TDRD3: variants seen among roughly 807,000 people sequenced by gnomAD.
TDRD3 encodes tudor domain-containing protein 3.
Under a neutral mutation model 86.7 loss-of-function variants are expected in TDRD3, and 45 were observed. The ratio of observed to expected loss-of-function variants is 0.52; its 90% confidence interval spans 0.41 to 0.67. The LOEUF (loss-of-function observed/expected upper bound fraction) is 0.67. Ranked by LOEUF, TDRD3 falls within the 30% of genes least tolerant of loss-of-function variation. TDRD3 has a pLI of 0.00. For synonymous variants in TDRD3, 298 were observed against 301.7 expected (o/e 0.99, Z 0.13); for missense variants, 814 against 889.0 (o/e 0.92, Z 1.07).
At chr13:60,474,114 AG>A (rs1956131873) in intron 5 of TDRD3, among the ~76,000 whole-genome samples, 1 of 152,200 alleles carries the variant, frequency 6.6e-6, no homozygotes, top group Non-Finnish European at 1.5e-5. Context: ...TTTAGATAGC[AG>A]TAGCAGAATT....
chr13:60,439,107 C>A (rs1316018888), intron 1 of TDRD3, among the ~76,000 whole-genome samples: 2 of 151,088 alleles, frequency 1.3e-5, no homozygotes, highest in African/African-American at 4.9e-5. Flanking sequence ...TAAGACAATG[C>A]GTAAAAAAAA....
chr13:60,556,886 G>T (rs987480434), intron 12 of TDRD3, among the ~76,000 whole-genome samples: 5 of 152,074 alleles, frequency 3.3e-5, no homozygotes, highest in Admixed American at 2.6e-4. Context: ...TATAGCAAAG[G>T]AAACAGACTT....
chr13:60,444,710 T>C lies in TDRD3; in HGVS notation c.154T>C (p.Phe52Leu). 2 of 1,481,584 alleles carry C rather than the reference T, an allele frequency of 1.3e-6. No homozygotes were observed. The highest frequency in any genetic ancestry group is 1.8e-6 in the Non-Finnish European group (2 of 1,106,006). The allele number at this position is 1,481,584 out of a possible 1,614,324, so 91.8% of individuals were successfully genotyped here. Residue 52 changes from phenylalanine (F) to leucine (L), a missense_variant, in exon 3 of 14, where the codon TTC becomes CTC. Coordinates refer to ENST00000377881, the MANE Select transcript of TDRD3 (RefSeq NM_001146070.2). ...NTDLRTIGKK[F>L]LPSDINSGKV... ...AGATCTGAGAACAATTGGCAAGAAA[T>C]TCCTCCCCAGTGACATCAATAGTGG...
At position 60,528,725 on chromosome 13, in the gene TDRD3, T is replaced by A; in HGVS notation, c.1500T>A (p.Asp500Glu). The change falls in exon 11 of 14, where the codon GAT (aspartate) becomes GAA (glutamate). Residue 500 changes from aspartate to glutamate, a missense_variant. Coordinates refer to ENST00000377881, the MANE Select transcript of TDRD3 (RefSeq NM_001146070.2). The stretch of plus-strand genomic sequence containing the variant: ...GTGATGGTGCTTTTAAAAAAAGAGA[T>A]AACTCTATGCAAAGCAGATCAGGAA... ...QHSDGAFKKR[D>E]NSMQSRSGKG... The A allele has an allele frequency of 1.2e-6, 2 of 1,612,010 alleles. No homozygotes were observed. Among genetic ancestry groups the A allele is most frequent in the Non-Finnish European group, 1.7e-6 (2 of 1,179,442 alleles).
At chr13:60,534,986 G>A (rs1024289695) in intron 11 of TDRD3, 122 bp from the exon 12 acceptor site, 77 of 1,036,230 alleles carry the variant, frequency 7.4e-5, no homozygotes, top group Non-Finnish European at 8.8e-5. Flanking sequence ...GGGTTCCAAA[G>A]GTAAGTTTCC....
chr13:60,404,650 G>T (rs2137805066), intron 1 of TDRD3, among the ~76,000 whole-genome samples: 1 of 152,248 alleles, frequency 6.6e-6, no homozygotes, highest in South Asian at 2.1e-4. Context: ...TGTTGCCCAG[G>T]CTGGAGTGCA....
At chr13:60,401,999 A>G (rs2137795262) in intron 1 of TDRD3, among the ~76,000 whole-genome samples, 1 of 152,358 alleles carries the variant, frequency 6.6e-6, no homozygotes, top group Non-Finnish European at 1.5e-5. Flanking sequence ...CTTGTATTCA[A>G]GGGCCCACTC....
intron 4 of TDRD3, among the ~76,000 whole-genome samples, chr13:60,463,164 A>G (rs1479775199): frequency 6.6e-6 from 1 of 152,130 alleles, no homozygotes; most frequent in Non-Finnish European, 1.5e-5. Flanking sequence ...TGGGAAGTCA[A>G]GGCGGGCGGA....
chr13:60,397,023 G>GA (rs1953928945), upstream of TDRD3: 1 of 207,508 alleles, frequency 4.8e-6, no homozygotes, highest in Admixed American at 6.0e-5. Flanking sequence ...GTGCAACTCA[G>GA]AAAAGCGCCC....
At chr13:60,472,229 G>T (rs1956088960) in intron 5 of TDRD3, among the ~76,000 whole-genome samples, 1 of 152,078 alleles carries the variant, frequency 6.6e-6, no homozygotes, top group Non-Finnish European at 1.5e-5. Flanking sequence ...TTTGGTCATG[G>T]TCTCTAATGC....
At chr13:60,397,102 C>T, upstream of TDRD3, 1 of 361,878 alleles carries the variant, frequency 2.8e-6, no homozygotes, top group Non-Finnish European at 5.0e-6. Flanking sequence ...AGCCACCAGC[C>T]GGTGTTTGGT....
At chr13:60,432,895 G>C (rs1954991266) in intron 1 of TDRD3, among the ~76,000 whole-genome samples, 1 of 152,074 alleles carries the variant, frequency 6.6e-6, no homozygotes, top group Non-Finnish European at 1.5e-5. Flanking sequence ...ATGTGCGGGG[G>C]CTAGTAACCT....
chr13:60,514,457 A>G (rs1203024799), intron 10 of TDRD3, among the ~76,000 whole-genome samples: 1 of 152,208 alleles, frequency 6.6e-6, no homozygotes, highest in African/African-American at 2.4e-5. Flanking sequence ...TTGGGGGCCT[A>G]TCACACTACA....
chr13:60,439,252 G>A (rs367714356), intron 1 of TDRD3, among the ~76,000 whole-genome samples: 1 of 152,172 alleles, frequency 6.6e-6, no homozygotes, highest in Non-Finnish European at 1.5e-5. Flanking sequence ...AAGATAATGT[G>A]AGAAAGTCCA....
At chr13:60,466,797 A>T (rs1955945269) in intron 4 of TDRD3, among the ~76,000 whole-genome samples, 1 of 107,146 alleles carries the variant, frequency 9.3e-6, no homozygotes, top group South Asian at 3.3e-4. Context: ...CTGTCTTTTA[A>T]AAAAAAAAAA....
At chr13:60,479,040 C>G (rs1956258144) in intron 5 of TDRD3, among the ~76,000 whole-genome samples, 1 of 151,894 alleles carries the variant, frequency 6.6e-6, no homozygotes, top group Non-Finnish European at 1.5e-5. Context: ...CTCCTGACCT[C>G]AAGTGATCTG....
chr13:60,532,452 G>A (rs1555289523), intron 11 of TDRD3, among the ~76,000 whole-genome samples: 1 of 152,160 alleles, frequency 6.6e-6, no homozygotes, highest in Non-Finnish European at 1.5e-5. Flanking sequence ...ACAAATTGAA[G>A]AGGTGGCTTC....
At chr13:60,503,423 C>A (rs1956875184) in intron 8 of TDRD3, among the ~76,000 whole-genome samples, 1 of 152,146 alleles carries the variant, frequency 6.6e-6, no homozygotes, top group Non-Finnish European at 1.5e-5. Context: ...AACTTGACAA[C>A]CTTAATTATG....
At chr13:60,466,839 T>G (rs890291574) in intron 4 of TDRD3, among the ~76,000 whole-genome samples, 5 of 152,084 alleles carry the variant, frequency 3.3e-5, no homozygotes, top group Admixed American at 1.3e-4. Context: ...TCACTTCCTC[T>G]CTGGTGGTCT....
Sources: allele counts gnomAD v4.1 joint callset (sites outside exome capture counted in the v4.1 genomes callset), GRCh38; gene constraint gnomAD v4.1.1; transcripts MANE v1.5; gene names NCBI Gene and HGNC (gene_info 2026-07-23, HGNC 2026-07-21).